Variants in TTN observed in about 807,000 individuals in gnomAD.
TTN encodes titin.
A neutral mutation model predicts 3,223.0 loss-of-function variants in TTN; 1,525 were observed. The observed-to-expected ratio is 0.47, with a 90% CI of 0.45 to 0.49. TTN has a LOEUF of 0.49. Among genes scored for constraint, TTN ranks in the 20% least tolerant of loss-of-function variants. The pLI is 0.00. For synonymous variants in TTN, 14,094 were observed against 15,161.0 expected (o/e 0.93, Z 5.17); for missense variants, 40,786 against 43,424.0 (o/e 0.94, Z 5.40).
chr2:178,610,846 T>C (rs2056167987), intron 270 of TTN, 147 bp downstream of exon 270: 1 of 1,012,716 alleles, frequency 9.9e-7, no homozygotes, highest in Non-Finnish European at 1.4e-6. Context: ...TTGTTTTACT[T>C]CTCCTATGGA....
rs2073270133 is a variant in TTN, at chr2:178,694,721, C to A, written c.31349-45G>T. On this transcript the variant is annotated intron_variant, in intron 116 of 362. Transcript: ENST00000589042. ...TATATTTGTATTTTGAAGAATATTG[C>A]TTTGCACAAAATTTAAAAGTATTTG... 3 of 1,515,216 alleles carry A rather than the reference C, an allele frequency of 2.0e-6. No homozygotes were observed. The South Asian group carries it at 3.7e-5, about 19-fold the overall frequency. 93.9% of individuals were successfully genotyped at this position (1,515,216 alleles called of 1,614,324 possible). A position where few individuals can be genotyped will look rare whatever the true frequency, so the allele number is the denominator to read the frequency against.
In TTN at chr2:178,729,023, A is replaced by C; in HGVS notation, c.19015T>G (p.Tyr6339Asp). Residue 6339 changes from tyrosine (Y) to aspartate (D), a missense_variant, in exon 65 of 363, where the codon TAT (tyrosine) becomes GAT (aspartate). Physicochemically the swap from Tyr to Asp is radical, Grantham distance 160. Transcript: ENST00000589042. ...GCCACACTGTCCACAAATGAAATAT[A>C]GACATTATCATCTTCATCAAGAATC... ...DQILDEDDNV[Y>D]ISFVDSVATL... 1 of 1,613,022 alleles carries C rather than the reference A, an allele frequency of 6.2e-7. No homozygotes were observed. Among genetic ancestry groups the C allele is most frequent in the Non-Finnish European group, 8.5e-7 (1 of 1,179,490 alleles).
chr2:178,534,355 G>A lies in TTN; in HGVS notation c.102260C>T (p.Thr34087Ile). The A allele has an allele frequency of 6.2e-7, 1 of 1,611,846 alleles. No individual in the cohort carries two copies. Among genetic ancestry groups the A allele is most frequent in the Non-Finnish European group, 8.5e-7 (1 of 1,179,812 alleles). ...GTGGTAATAACGCCGGTGTTTTAAT[G>A]TTCTGATAACTTTAGTACTGACTCT... The part of the protein sequence containing the change: ...IERVSTKVIR[T>I]LKHRRYYHTL... The change falls in exon 358 of 363, where the codon ACA (threonine) becomes ATA (isoleucine). Residue 34087 changes from threonine to isoleucine, a missense_variant. Transcript: ENST00000589042.
At chr2:178,543,781 A>G (rs1695735474) in intron 346 of TTN, 53 bp downstream of exon 346, 2 of 1,592,340 alleles carry the variant, frequency 1.3e-6, no homozygotes, top group South Asian at 2.3e-5. Flanking sequence ...GTCAAGCTAT[A>G]TTGTTTTAGA....
rs1264041107 is a variant in TTN at position 178,735,888 on chromosome 2, T to G, written c.14558A>C (p.Glu4853Ala). 6.2e-7 allele frequency: 1 copy of G among 1,613,774 alleles called. No individual in the cohort carries two copies. Among genetic ancestry groups the G allele is most frequent in the Non-Finnish European group, 8.5e-7 (1 of 1,179,826 alleles). Reference sequence around the variant, plus strand: ...ATCTTGAATGGTAAGGTTTGAGAGTTCTAAAATGTGTTTGTTTTCTGCGTC... The same window carrying G: ...ATCTTGAATGGTAAGGTTTGAGAGTGCTAAAATGTGTTTGTTTTCTGCGTC... ...ISDAENKHILELSNLTIQDRG... is the reference protein window; with the variant it reads ...ISDAENKHILALSNLTIQDRG... Residue 4853 changes from glutamate (E) to alanine (A), a missense_variant, in exon 50 of 363, where the codon GAA (glutamate) becomes GCA (alanine). By Grantham distance (107) the Glu-to-Ala change is moderately radical. Coordinates refer to ENST00000589042, the MANE Select transcript of TTN (RefSeq NM_001267550.2).
chr2:178,540,921 T>G (rs1011466266), intron 350 of TTN, among the ~76,000 whole-genome samples: 7 of 152,246 alleles, frequency 4.6e-5, no homozygotes, highest in African/African-American at 1.7e-4. Context: ...ACTATTATTA[T>G]CTTACATTTA....
intron 180 of TTN, among the ~76,000 whole-genome samples, chr2:178,660,635 A>G (rs1349433619): frequency 1.3e-5 from 2 of 152,016 alleles, no homozygotes; most frequent in East Asian, 1.9e-4. Flanking sequence ...CTTCATGTCT[A>G]AAATACCAAA....
At chr2:178,705,388 C>A (rs911135048) in intron 102 of TTN, 31 bp from the exon 103 acceptor site, 1 of 1,442,710 alleles carries the variant, frequency 6.9e-7, no homozygotes, top group Non-Finnish European at 9.2e-7. Context: ...AAGGATAAAA[C>A]ACCTGTCTTC....
chr2:178,604,164 C>G lies in TTN; in HGVS notation c.54523G>C (p.Val18175Leu). 2 of 1,612,198 alleles carry G rather than the reference C, an allele frequency of 1.2e-6. No homozygotes were observed. Among genetic ancestry groups the G allele is most frequent in the Non-Finnish European group, 1.7e-6 (2 of 1,178,932 alleles). The change falls in exon 282 of 363, where the codon GTT becomes CTT. Residue 18175 changes from valine to leucine, a missense_variant. Transcript: ENST00000589042. Reference protein sequence around the residue: ...RLPGPPGKPKVLARTKGSMLV... With the variant: ...RLPGPPGKPKLLARTKGSMLV... ...ATTGATCCTTTGGTGCGTGCCAAAA[C>G]TTTTGGTTTTCCTGGAGGTCCAGGA... is the stretch of plus-strand genomic sequence containing the variant.
rs1559175090 is a variant in TTN, at chr2:178,548,966, TGTAGATCA to T, written c.92652_92659del (p.Asp30885SerfsTer3). On this transcript the variant is annotated frameshift_variant, in exon 339 of 363. Transcript: ENST00000589042. LOFTEE classifies it high-confidence loss of function. The surrounding 1 kb of genome is among the most constrained non-coding windows in gnomAD (Gnocchi z 4.3). ...TCGGAATTTGTATTCTTCACCTGCT[TGTAGATCA>T]GTGACTGTATATCTTGTTTTCACAC... 4.3e-6 allele frequency: 7 copies of T among 1,613,908 alleles called. No individual in the cohort carries two copies. The highest frequency in any genetic ancestry group is 5.9e-6 in the Non-Finnish European group (7 of 1,179,830).
At position 178,729,580 on chromosome 2, in the gene TTN, A is replaced by G. The variant is rs781455893; in HGVS notation, c.18590-14T>C. 2 of 1,611,918 alleles carry G rather than the reference A, an allele frequency of 1.2e-6. No homozygotes were observed. Among genetic ancestry groups the G allele is most frequent in the Admixed American group, 3.4e-5 (2 of 59,638 alleles). On this transcript the variant is annotated splice_polypyrimidine_tract_variant and intron_variant, in intron 63 of 362. Transcript: ENST00000589042. ...AGGTGGGGGGTTCTAAAGATTCAAA[A>G]GGAAGACAGTAGCTTACTCAAGGGA...
In TTN at chr2:178,549,456, C is replaced by T. The variant is rs370928582; in HGVS notation, c.92170G>A (p.Gly30724Ser). 17 of 1,604,500 alleles carry T rather than the reference C, an allele frequency of 1.1e-5. No homozygotes were observed. The highest frequency in any genetic ancestry group is 1.4e-5 in the Non-Finnish European group (17 of 1,173,606). Residue 30724 changes from glycine (G) to serine (S), a missense_variant, in exon 339 of 363, where the codon GGC becomes AGC. Physicochemically the swap from Gly to Ser is moderately conservative, Grantham distance 56. Coordinates refer to ENST00000589042, the MANE Select transcript of TTN (RefSeq NM_001267550.2). Reference sequence around the variant, plus strand: ...GTTATGTTGCTAGGTTCTGGAATGCCAGGGGCATCAGGAACAGCTGTAAAA... The same window carrying T: ...GTTATGTTGCTAGGTTCTGGAATGCTAGGGGCATCAGGAACAGCTGTAAAA... Reference protein sequence around the residue: ...QIQYTVPDAPGIPEPSNITGN... With the variant: ...QIQYTVPDAPSIPEPSNITGN...
chr2:178,532,344 C>G lies in TTN; in HGVS notation c.104271G>C (p.Gln34757His). The G allele has an allele frequency of 6.2e-7, 1 of 1,614,008 alleles. No homozygotes were observed. Among genetic ancestry groups the G allele is most frequent in the Non-Finnish European group, 8.5e-7 (1 of 1,179,878 alleles). Residue 34757 changes from glutamine to histidine, a missense_variant, in exon 358 of 363, where the codon CAG (glutamine) becomes CAC (histidine). Coordinates refer to ENST00000589042, the MANE Select transcript of TTN (RefSeq NM_001267550.2). ...RERHAQAAYR[Q>H]PKQRQRIMAE... ...CCATGATTCTTTGCCGTTGCTTTGG[C>G]TGTCTGTACGCAGCCTGGGCATGCC... is the stretch of plus-strand genomic sequence containing the variant.
chr2:178,693,372 G>A (rs2072923319), intron 119 of TTN, among the ~76,000 whole-genome samples: 1 of 151,956 alleles, frequency 6.6e-6, no homozygotes, highest in South Asian at 2.1e-4. Flanking sequence ...CAAGTAACAG[G>A]TTACGAGATT....
At chr2:178,646,104 T>TATATATATATA (rs1553761409) in intron 216 of TTN, 74 bp from the exon 217 acceptor site, 2 of 37,646 alleles carry the variant, frequency 5.3e-5, no homozygotes, top group Non-Finnish European at 1.1e-4. Context: ...TTAATAGAAA[T>TATATATATATA]TATATATATA....
Position 178,531,232 on chromosome 2 carries a change from G to A in TTN, c.105383C>T (p.Ala35128Val), listed in dbSNP as rs758458467. Reference protein sequence around the residue: ...STTRKIKTTLAARILTKPRSM... With the variant: ...STTRKIKTTLVARILTKPRSM... Reference sequence around the variant, plus strand: ...CCGTGGCTTTGTTAGAATTCTTGCTGCCAAAGTCGTCTTGATCTTTCTGGT... The same window carrying A: ...CCGTGGCTTTGTTAGAATTCTTGCTACCAAAGTCGTCTTGATCTTTCTGGT... Residue 35128 changes from alanine (A) to valine (V), a missense_variant, in exon 358 of 363, where the codon GCA becomes GTA. Physicochemically the swap from Ala to Val is moderately conservative, Grantham distance 64. Coordinates refer to ENST00000589042, the MANE Select transcript of TTN (RefSeq NM_001267550.2). The A allele has an allele frequency of 5.4e-5, 87 of 1,613,806 alleles. No individual in the cohort carries two copies. The highest frequency in any genetic ancestry group is 1.9e-4 in the South Asian group (17 of 91,076).
In TTN at chr2:178,556,474, A is replaced by T. The variant is rs567979683; in HGVS notation, c.88306+374T>A. The T allele has an allele frequency of 1.3e-3, 294 of 223,758 alleles. 1 individual carries two copies. Among genetic ancestry groups the T allele is most frequent in the Middle Eastern group, 4.7e-3 (3 of 636 alleles). 13.9% of individuals were successfully genotyped at this position (223,758 alleles called of 1,614,324 possible). A position where few individuals can be genotyped will look rare whatever the true frequency, so the allele number is the denominator to read the frequency against. On this transcript the variant is annotated intron_variant, in intron 330 of 362. Coordinates refer to ENST00000589042, the MANE Select transcript of TTN (RefSeq NM_001267550.2). ...AACAAACAAAAAAAAAAAAACCAAAAAATGAAGTCTCTGTTTAGTCTGTGG... is the reference window on the plus strand; with the variant it reads ...AACAAACAAAAAAAAAAAAACCAAATAATGAAGTCTCTGTTTAGTCTGTGG...
chr2:178,759,296 C>T (rs943390237), intron 43 of TTN, 124 bp from the exon 44 acceptor site: 24 of 963,662 alleles, frequency 2.5e-5, no homozygotes, highest in Admixed American at 6.1e-5. Flanking sequence ...TAACATGATA[C>T]TTTTCTCTGG....
rs1234238096 is a variant in TTN at position 178,570,643 on chromosome 2, G to A, written c.75489C>T (p.Thr25163=). ...SNTARLEIKS[T]DFATSLSVKD... is the part of the protein sequence containing the mutation. ...TTACACTGAGACTGGTGGCAAAGTC[G>A]GTGCTCTTTATTTCTAATCGAGCTG... Residue 25163 remains threonine (T), a synonymous_variant, in exon 326 of 363, where the codon ACC becomes ACT. Coordinates refer to ENST00000589042, the MANE Select transcript of TTN (RefSeq NM_001267550.2). 1.2e-6 allele frequency: 2 copies of A among 1,613,414 alleles called. No homozygotes were observed. Among genetic ancestry groups the A allele is most frequent in the South Asian group, 1.1e-5 (1 of 91,066 alleles).
Sources: allele counts gnomAD v4.1 joint callset (sites outside exome capture counted in the v4.1 genomes callset), GRCh38; gene constraint gnomAD v4.1.1; non-coding constraint Gnocchi (gnomAD v3.1); transcripts MANE v1.5; gene names NCBI Gene and HGNC (gene_info 2026-07-23, HGNC 2026-07-21).